Variants in ABCC9 observed in about 807,000 individuals in gnomAD.
ABCC9 encodes the protein ATP-binding cassette sub-family C member 9.
In ABCC9, 95 loss-of-function variants were observed where a neutral mutation model predicts 188.3. That is an observed-to-expected ratio of 0.50 (90% confidence interval 0.43 to 0.60). ABCC9 has a LOEUF of 0.60. ABCC9 is among the 20% of genes least tolerant of loss of function. The pLI is 0.00. For synonymous variants in ABCC9, 659 were observed against 652.7 expected (o/e 1.01, Z -0.15); for missense variants, 1,102 against 1,876.3 (o/e 0.59, Z 7.62).
chr12:21,815,909 G>A lies in ABCC9; in HGVS notation c.3893-16C>T. 6.2e-7 allele frequency: 1 copy of A among 1,610,540 alleles called. No individual in the cohort carries two copies. The highest frequency in any genetic ancestry group is 8.5e-7 in the Non-Finnish European group (1 of 1,177,714). ...TGAGAAGGATCTGGAGGATGGGATG[G>A]GGAAATAGACAGATAATAGGCAGAT... On this transcript the variant is annotated splice_polypyrimidine_tract_variant and intron_variant, in intron 33 of 39. Transcript: ENST00000261200.
At chr12:21,903,917 T>C (rs1291038409) in intron 12 of ABCC9, among the ~76,000 whole-genome samples, 1 of 152,156 alleles carries the variant, frequency 6.6e-6, no homozygotes, top group African/African-American at 2.4e-5. Flanking sequence ...CTTCACAGAA[T>C]TGAAAAAAAC....
chr12:21,863,031 T>A lies in ABCC9; in HGVS notation c.2261A>T (p.Tyr754Phe). Reference sequence around the variant, plus strand: ...TAATAGCCAAGGCTTTTGAGCTGCATATGCCACAGAGTACCTGTTCCTACT... The same window carrying A: ...TAATAGCCAAGGCTTTTGAGCTGCAAATGCCACAGAGTACCTGTTCCTACT... ...TRSRNRYSVA[Y>F]AAQKPWLLNA... is the part of the protein sequence containing the mutation. The change falls in exon 20 of 40, where the codon TAT becomes TTT. Residue 754 changes from tyrosine to phenylalanine, a missense_variant. By Grantham distance (22) the Tyr-to-Phe change is conservative. Around this residue, in one of 12 missense-constraint regions of ABCC9, gnomAD observed 258 missense variants for 325.6 expected, o/e 0.79. Transcript: ENST00000261200. 1 of 1,611,370 alleles carries A rather than the reference T, an allele frequency of 6.2e-7. No individual in the cohort carries two copies. Among genetic ancestry groups the A allele is most frequent in the Non-Finnish European group, 8.5e-7 (1 of 1,178,542 alleles).
At chr12:21,883,986 A>T (rs1019078138) in intron 15 of ABCC9, among the ~76,000 whole-genome samples, 2 of 152,232 alleles carry the variant, frequency 1.3e-5, no homozygotes, top group Non-Finnish European at 2.9e-5. Flanking sequence ...TAGAATATTT[A>T]GCTCATAAAC....
At chr12:21,829,286 C>CCGCCT (rs1302041342) in intron 30 of ABCC9, among the ~76,000 whole-genome samples, 4 of 143,568 alleles carry the variant, frequency 2.8e-5, no homozygotes, top group Non-Finnish European at 6.0e-5. Context: ...ACTGCAAGCT[C>CCGCCT]CGCCTCCCGG....
rs77614085 is a variant in ABCC9 at position 21,870,214 on chromosome 12, T to TTA, written c.2198+2409_2198+2410dup. On this transcript the variant is annotated intron_variant, in intron 18 of 39. Transcript: ENST00000261200. ...ATTGAAGACATTAAGAATTAACCTTTTATTGACTTTTTATAAGGTATATGG... is the reference window on the plus strand; with the variant it reads ...ATTGAAGACATTAAGAATTAACCTTTTATATTGACTTTTTATAAGGTATATGG... 5.5e-3 allele frequency among the ~76,000 whole-genome samples: 836 copies of TTA among 152,252 alleles called. 45 individuals carry two copies. In the East Asian group the frequency reaches 0.12, roughly 21 times the overall value.
intron 6 of ABCC9, 58 bp downstream of exon 6, chr12:21,916,879 A>G: frequency 1.4e-6 from 2 of 1,477,144 alleles, no homozygotes; most frequent in Non-Finnish European, 1.8e-6. Flanking sequence ...GCTAACTGTA[A>G]TCTTTCATAT....
chr12:21,897,209 A>T (rs1215367917), intron 12 of ABCC9, among the ~76,000 whole-genome samples: 4 of 152,200 alleles, frequency 2.6e-5, no homozygotes, highest in Non-Finnish European at 5.9e-5. Context: ...TTGGCCACAT[A>T]AATGTCTTCC....
chr12:21,858,837 A>G (rs1284576222), intron 22 of ABCC9, among the ~76,000 whole-genome samples: 2 of 152,172 alleles, frequency 1.3e-5, no homozygotes, highest in African/African-American at 2.4e-5. Flanking sequence ...AACCAGATTG[A>G]TAAGTGGTTA....
chr12:21,894,273 G>T, intron 13 of ABCC9, 99 bp from the exon 14 acceptor site: 2 of 1,329,306 alleles, frequency 1.5e-6, no homozygotes, highest in Non-Finnish European at 2.2e-6. Flanking sequence ...ATGCCAGTAT[G>T]TCCATTGTAA....
intron 14 of ABCC9, among the ~76,000 whole-genome samples, chr12:21,889,553 G>A (rs537171152): frequency 3.3e-5 from 5 of 152,240 alleles, no homozygotes; most frequent in Admixed American, 2.0e-4. Flanking sequence ...TCCAAATCTA[G>A]CAATGCCTGG....
intron 18 of ABCC9, among the ~76,000 whole-genome samples, chr12:21,866,383 G>A (rs1306207755): frequency 2.0e-5 from 3 of 152,164 alleles, no homozygotes. Flanking sequence ...GATCATAAAA[G>A]AAATCCTTTG....
At chr12:21,862,312 C>T (rs1440376841) in intron 20 of ABCC9, among the ~76,000 whole-genome samples, 1 of 152,098 alleles carries the variant, frequency 6.6e-6, no homozygotes, top group Non-Finnish European at 1.5e-5. Context: ...GTCTCAGCCT[C>T]CTGAATCTTT....
intron 5 of ABCC9, chr12:21,923,925 C>A: frequency 1.5e-6 from 1 of 660,224 alleles, no homozygotes; most frequent in Non-Finnish European, 2.7e-6. Flanking sequence ...CAATGAAATG[C>A]AACAATAAGA....
At chr12:21,864,546 A>G in intron 18 of ABCC9, 69 bp from the exon 19 acceptor site, 2 of 1,083,626 alleles carry the variant, frequency 1.8e-6, no homozygotes, top group Non-Finnish European at 2.9e-6. Context: ...CATACACGTC[A>G]GGTAAGAGAT....
chr12:21,830,425 G>A (rs1324298831), intron 30 of ABCC9, among the ~76,000 whole-genome samples: 1 of 152,146 alleles, frequency 6.6e-6, no homozygotes, highest in Admixed American at 6.6e-5. Context: ...CCCATCTATG[G>A]GTTATGTTTG....
chr12:21,910,691 A>G, intron 9 of ABCC9, 135 bp downstream of exon 9: 1 of 777,024 alleles, frequency 1.3e-6, no homozygotes, highest in South Asian at 1.8e-5. Flanking sequence ...CATTAAGTAG[A>G]TTATAGAAAC....
intron 31 of ABCC9, among the ~76,000 whole-genome samples, chr12:21,818,944 A>G (rs1942858663): frequency 6.6e-6 from 1 of 152,180 alleles, no homozygotes; most frequent in African/African-American, 2.4e-5. Context: ...TACAGATTTC[A>G]TGTAAATAAG....
At position 21,805,284 on chromosome 12, in the gene ABCC9, CT is replaced by C; in HGVS notation, c.4512+713del. ...CCCTCAGAAAAGACTAAAACAAGGCCTGCATCCATAATAGAAGAGACACGGT... is the reference window on the plus strand; with the variant it reads ...CCCTCAGAAAAGACTAAAACAAGGCCGCATCCATAATAGAAGAGACACGGT... On this transcript the variant is annotated intron_variant, in intron 39 of 39. Transcript: ENST00000261200. 1.2e-6 allele frequency: 2 copies of C among 1,613,946 alleles called. No individual in the cohort carries two copies. The highest frequency in any genetic ancestry group is 1.7e-6 in the Non-Finnish European group (2 of 1,179,950).
chr12:21,871,380 A>G (rs1222955879), intron 18 of ABCC9, among the ~76,000 whole-genome samples: 1 of 152,144 alleles, frequency 6.6e-6, no homozygotes, highest in Non-Finnish European at 1.5e-5. Flanking sequence ...TATCTGCTAG[A>G]TTTGCTCGAC....
Sources: gnomAD v4.1 joint callset for allele counts (sites outside exome capture counted in the v4.1 genomes callset) on GRCh38, gnomAD v4.1.1 for gene constraint, gnomAD v4.1.1 regional missense constraint, MANE v1.5 for transcripts, NCBI Gene and HGNC (gene_info 2026-07-23, HGNC 2026-07-21) for gene names.